MXI1: variants seen among roughly 807,000 people sequenced by gnomAD.
MXI1 encodes the protein max-interacting protein 1.
MXI1 carries 18 observed loss-of-function variants against 36.9 expected under a neutral mutation model. The ratio of observed to expected loss-of-function variants is 0.49; its 90% CI spans 0.34 to 0.72. The LOEUF (loss-of-function observed/expected upper bound fraction) is 0.72. Among genes scored for constraint, MXI1 ranks in the 30% least tolerant of loss-of-function variants. The probability of loss-of-function intolerance (pLI) is 0.01; values close to 1 mark genes in which losing one functional copy is unlikely to be tolerated. For synonymous variants in MXI1, 160 were observed against 146.7 expected (o/e 1.09, Z -0.65); for missense variants, 304 against 379.1 (o/e 0.80, Z 1.64).
chr10:110,285,830 T>C lies in MXI1; in HGVS notation c.*843T>C, dbSNP rs1857415175. On this transcript the variant is annotated 3_prime_UTR_variant, in exon 6 of 6. Transcript: ENST00000332674. ...TCTTTGTCTGCGTGGGTCAGAAGAGTTGTGCACGCAGATTAGCAGGCCAAG... is the reference window on the plus strand; with the variant it reads ...TCTTTGTCTGCGTGGGTCAGAAGAGCTGTGCACGCAGATTAGCAGGCCAAG... 6.6e-6 allele frequency: 1 copy of C among 152,440 alleles called. No individual in the cohort carries two copies. Among genetic ancestry groups the C allele is most frequent in the African/African-American group, 2.4e-5 (1 of 41,382 alleles). The allele number at this position is 152,440 out of a possible 1,614,324, so 9.4% of individuals were successfully genotyped here. A position where few individuals can be genotyped will look rare whatever the true frequency, so the allele number is the denominator to read the frequency against.
intron 3 of MXI1, among the ~76,000 whole-genome samples, chr10:110,253,233 A>G (rs952193787): frequency 2.0e-5 from 3 of 151,996 alleles, no homozygotes; most frequent in African/African-American, 7.2e-5. Flanking sequence ...GTTTATTCCA[A>G]TTGTTTGGAC....
intron 2 of MXI1, among the ~76,000 whole-genome samples, chr10:110,231,794 G>A (rs1238661421): frequency 6.6e-6 from 1 of 152,142 alleles, no homozygotes; most frequent in African/African-American, 2.4e-5. Context: ...CTCAAGGTCT[G>A]TCATCCTTAA....
In MXI1 at chr10:110,278,036, C is replaced by G. The variant is rs886313425; in HGVS notation, c.438-1144C>G. 3.6e-4 allele frequency among the ~76,000 whole-genome samples: 55 copies of G among 152,164 alleles called. 3 individuals carry two copies. Among genetic ancestry groups the G allele is most frequent in the Non-Finnish European group, 4.4e-5 (3 of 68,026 alleles). On this transcript the variant is annotated intron_variant, in intron 3 of 5. Transcript: ENST00000332674. ...TGTTTTGTTCTTGATGCAGTTAAGA[C>G]AGTTACCAAAAGTTCAATTATAGGT...
At position 110,285,570 on chromosome 10, in the gene MXI1, GGA is replaced by G. The variant is rs769837775; in HGVS notation, c.*588_*589del. 2.0e-5 allele frequency: 3 copies of G among 151,548 alleles called. No individual in the cohort carries two copies. Among genetic ancestry groups the G allele is most frequent in the Non-Finnish European group, 4.4e-5 (3 of 67,904 alleles). 9.4% of individuals were successfully genotyped at this position (151,548 alleles called of 1,614,324 possible). ...AAAGCTCATTTCATGCTCTGCAAAAGGAGAGACTCCCATGAAGCCTTTTGAAA... is the reference window on the plus strand; with the variant it reads ...AAAGCTCATTTCATGCTCTGCAAAAGGAGACTCCCATGAAGCCTTTTGAAA... On this transcript the variant is annotated 3_prime_UTR_variant, in exon 6 of 6. Transcript: ENST00000332674.
chr10:110,247,010 T>C (rs1241085155), intron 3 of MXI1, among the ~76,000 whole-genome samples: 9 of 152,178 alleles, frequency 5.9e-5, no homozygotes, highest in Non-Finnish European at 1.3e-4. Context: ...GTGGCTTTTA[T>C]AGTTATTTCA....
chr10:110,209,363 A>G (rs1240283569), intron 1 of MXI1, among the ~76,000 whole-genome samples: 1 of 151,952 alleles, frequency 6.6e-6, no homozygotes, highest in Non-Finnish European at 1.5e-5. Context: ...GAAAGAAGAA[A>G]GGTCCCGATT....
At chr10:110,208,606 T>A (rs375543639) in intron 1 of MXI1, 3 of 152,296 alleles carry the variant, frequency 2.0e-5, no homozygotes, top group African/African-American at 7.2e-5. Context: ...CTCCACGGCG[T>A]GGGCTCGGCT....
At chr10:110,276,858 T>C (rs1350785967) in intron 3 of MXI1, among the ~76,000 whole-genome samples, 1 of 151,320 alleles carries the variant, frequency 6.6e-6, no homozygotes, top group Non-Finnish European at 1.5e-5. Context: ...TTTTTTTTTT[T>C]CTTCCTGAGG....
At chr10:110,216,432 T>C (rs769576463) in intron 1 of MXI1, among the ~76,000 whole-genome samples, 53 of 152,264 alleles carry the variant, frequency 3.5e-4, no homozygotes, top group South Asian at 1.9e-3. Flanking sequence ...GAGTGTATTA[T>C]TCCAGTGCCA....
chr10:110,253,515 C>G (rs1181306682), intron 3 of MXI1, among the ~76,000 whole-genome samples: 1 of 151,966 alleles, frequency 6.6e-6, no homozygotes, highest in Non-Finnish European at 1.5e-5. Context: ...TTTTTTTACA[C>G]GGTGTACACA....
chr10:110,216,311 C>T (rs1250486503), intron 1 of MXI1, among the ~76,000 whole-genome samples: 6 of 152,184 alleles, frequency 3.9e-5, no homozygotes, highest in African/African-American at 1.2e-4. Flanking sequence ...GAGCCATTCT[C>T]CCTAAATTTG....
chr10:110,271,529 G>A (rs1410514793), intron 3 of MXI1, among the ~76,000 whole-genome samples: 1 of 152,184 alleles, frequency 6.6e-6, no homozygotes, highest in Non-Finnish European at 1.5e-5. Flanking sequence ...GGAAGAAATT[G>A]TTTGGCCATG....
chr10:110,260,140 T>C (rs946643777), intron 3 of MXI1, among the ~76,000 whole-genome samples: 1 of 152,038 alleles, frequency 6.6e-6, no homozygotes, highest in Non-Finnish European at 1.5e-5. Context: ...TTGGGAGATA[T>C]GTAATGCATT....
intron 2 of MXI1, among the ~76,000 whole-genome samples, chr10:110,238,641 C>G (rs1210439744): frequency 6.6e-6 from 1 of 151,952 alleles, no homozygotes; most frequent in Non-Finnish European, 1.5e-5. Flanking sequence ...TTTATTTATT[C>G]CTTAAATGCC....
At chr10:110,251,885 G>A (rs1856104434) in intron 3 of MXI1, among the ~76,000 whole-genome samples, 1 of 152,142 alleles carries the variant, frequency 6.6e-6, no homozygotes, top group South Asian at 2.1e-4. Flanking sequence ...ATTAGTAGTG[G>A]AAGATGAGGC....
At chr10:110,244,964 C>A in intron 3 of MXI1, 107 bp downstream of exon 3, 2 of 1,125,434 alleles carry the variant, frequency 1.8e-6, no homozygotes, top group South Asian at 1.5e-5. Flanking sequence ...TTTTATTTTT[C>A]AGATGTATAG....
At chr10:110,215,214 G>A (rs1277100135) in intron 1 of MXI1, among the ~76,000 whole-genome samples, 4 of 151,912 alleles carry the variant, frequency 2.6e-5, no homozygotes, top group African/African-American at 7.3e-5. Context: ...GCTAATTTTT[G>A]TATTTTTAGT....
chr10:110,217,589 A>G (rs893867083), intron 1 of MXI1, among the ~76,000 whole-genome samples: 3 of 152,176 alleles, frequency 2.0e-5, no homozygotes, highest in African/African-American at 7.2e-5. Flanking sequence ...TGTGCCTTGC[A>G]TACAACTTAC....
intron 1 of MXI1, among the ~76,000 whole-genome samples, chr10:110,222,905 C>T (rs1854853228): frequency 6.6e-6 from 1 of 152,192 alleles, no homozygotes; most frequent in South Asian, 2.1e-4. Flanking sequence ...GGAAGGACTC[C>T]AGGAGGCAGC....
Sources: gnomAD v4.1 joint callset for allele counts (sites outside exome capture counted in the v4.1 genomes callset) on GRCh38, gnomAD v4.1.1 for gene constraint, MANE v1.5 for transcripts, NCBI Gene and HGNC (gene_info 2026-07-23, HGNC 2026-07-21) for gene names.